Variants in C3orf70 observed in about 807,000 individuals in gnomAD.
C3orf70 encodes chromosome 3 open reading frame 70, also known as UPF0524 protein C3orf70.
In C3orf70, 15 loss-of-function variants were observed where a neutral mutation model predicts 20.7. The ratio of observed to expected loss-of-function variants is 0.72; its 90% CI spans 0.48 to 1.11. C3orf70 has a LOEUF of 1.11. C3orf70 is among the 50% of genes most tolerant of loss of function. C3orf70 has a pLI of 0.00. For synonymous variants in C3orf70, 161 were observed against 125.7 expected, an observed-to-expected ratio of 1.28 and a Z score of -1.88; for missense variants, 332 against 317.6, an observed-to-expected ratio of 1.05 and a Z score of -0.34.
rs751009927 is a variant in C3orf70, at chr3:185,152,782, C to G, written c.42G>C (p.Lys14Asn). The change falls in exon 1 of 2, where the codon AAG becomes AAC. Residue 14 changes from lysine (K) to asparagine (N), a missense_variant. By Grantham distance (94) the Lys-to-Asn change is moderately conservative. Coordinates refer to ENST00000335012, the MANE Select transcript of C3orf70 (RefSeq NM_001025266.3). ...AASPASERGW[K>N]SEKLDEAQAL... ...CCTGAGCCTCATCTAGTTTCTCGCT[C>G]TTCCAACCCCGCTCCGACGCCGGCG... is the stretch of plus-strand genomic sequence containing the variant. 1 of 1,572,024 alleles carries G rather than the reference C, an allele frequency of 6.4e-7. No individual in the cohort carries two copies. Among genetic ancestry groups the G allele is most frequent in the Non-Finnish European group, 8.6e-7 (1 of 1,158,668 alleles).
At chr3:185,094,586 C>A (rs1715662826) in intron 1 of C3orf70, among the ~76,000 whole-genome samples, 1 of 151,918 alleles carries the variant, frequency 6.6e-6, no homozygotes, top group Non-Finnish European at 1.5e-5. Flanking sequence ...AGCCCTTGAA[C>A]CTACAGACAC....
At position 185,081,106 on chromosome 3, in the gene C3orf70, G is replaced by C. The variant is rs952307895; in HGVS notation, c.*1901C>G. 4 of 152,172 alleles carry C rather than the reference G, an allele frequency of 2.6e-5. No homozygotes were observed. The highest frequency in any genetic ancestry group is 5.9e-5 in the Non-Finnish European group (4 of 68,026). The allele number at this position is 152,172 out of a possible 1,614,324, so 9.4% of individuals were successfully genotyped here. Reference sequence around the variant, plus strand: ...TGAATGATGCCAAATGGAGGCTTCAGGGGAGAACACAACTTTTTCTTACAA... The same window carrying C: ...TGAATGATGCCAAATGGAGGCTTCACGGGAGAACACAACTTTTTCTTACAA... On this transcript the variant is annotated 3_prime_UTR_variant, in exon 2 of 2. Coordinates refer to ENST00000335012, the MANE Select transcript of C3orf70 (RefSeq NM_001025266.3).
intron 1 of C3orf70, among the ~76,000 whole-genome samples, chr3:185,123,780 T>C (rs1373298839): frequency 2.6e-5 from 4 of 152,224 alleles, no homozygotes; most frequent in Non-Finnish European, 5.9e-5. Flanking sequence ...GCCTATGAAG[T>C]ATTCTGTCAT....
intron 1 of C3orf70, among the ~76,000 whole-genome samples, chr3:185,133,277 C>A (rs905095234): frequency 6.6e-6 from 1 of 152,158 alleles, no homozygotes; most frequent in East Asian, 1.9e-4. Flanking sequence ...TCTAATAAAA[C>A]TACAGATGTA....
At chr3:185,117,024 G>A (rs900690890) in intron 1 of C3orf70, among the ~76,000 whole-genome samples, 11 of 151,966 alleles carry the variant, frequency 7.2e-5, no homozygotes, top group South Asian at 2.1e-4. Context: ...CTCGTGATCC[G>A]CCCGCCTCAG....
intron 1 of C3orf70, among the ~76,000 whole-genome samples, chr3:185,102,113 G>C (rs1224288818): frequency 6.6e-6 from 1 of 152,140 alleles, no homozygotes; most frequent in East Asian, 1.9e-4. Flanking sequence ...CATACAGGAA[G>C]AGAGGAAATC....
intron 1 of C3orf70, among the ~76,000 whole-genome samples, chr3:185,150,791 G>C (rs35603608): frequency 0.07 from 10,591 of 152,230 alleles, 425 homozygotes; most frequent in South Asian, 0.1. Flanking sequence ...ATGTTCAGAA[G>C]AGAACAACCA....
chr3:185,089,970 G>C (rs1455963286), intron 1 of C3orf70, among the ~76,000 whole-genome samples: 8 of 152,120 alleles, frequency 5.3e-5, no homozygotes, highest in African/African-American at 1.7e-4. Flanking sequence ...CACTAACAAA[G>C]ATTTATATTC....
chr3:185,118,527 T>C (rs1716228865), intron 1 of C3orf70, among the ~76,000 whole-genome samples: 1 of 152,200 alleles, frequency 6.6e-6, no homozygotes, highest in Non-Finnish European at 1.5e-5. Flanking sequence ...AGTAAATGCC[T>C]GAACACATAT....
At chr3:185,148,385 A>C (rs1461433995) in intron 1 of C3orf70, among the ~76,000 whole-genome samples, 1 of 152,144 alleles carries the variant, frequency 6.6e-6, no homozygotes, top group Non-Finnish European at 1.5e-5. Context: ...ACCACCATCC[A>C]CAGCTGCATA....
chr3:185,104,213 C>A (rs1275297911), intron 1 of C3orf70, among the ~76,000 whole-genome samples: 1 of 152,206 alleles, frequency 6.6e-6, no homozygotes, highest in African/African-American at 2.4e-5. Context: ...CTCCTTAATT[C>A]TCTTGGTTGT....
intron 1 of C3orf70, among the ~76,000 whole-genome samples, chr3:185,128,663 T>G (rs561507635): frequency 6.6e-6 from 1 of 152,354 alleles, no homozygotes; most frequent in South Asian, 2.1e-4. Flanking sequence ...ATAACTTTGT[T>G]TTATGATAAT....
chr3:185,098,708 A>T (rs1715760033), intron 1 of C3orf70, among the ~76,000 whole-genome samples: 1 of 152,220 alleles, frequency 6.6e-6, no homozygotes, highest in African/African-American at 2.4e-5. Context: ...TGTGATGGTT[A>T]ATTTTATATG....
rs574963426 is a variant in C3orf70 at position 185,080,180 on chromosome 3, A to C, written c.*2827T>G. 20 of 152,758 alleles carry C rather than the reference A, an allele frequency of 1.3e-4. No individual in the cohort carries two copies. The highest frequency in any genetic ancestry group is 4.3e-4 in the African/African-American group (18 of 41,570). 9.5% of individuals were successfully genotyped at this position (152,758 alleles called of 1,614,324 possible). A position where few individuals can be genotyped will look rare whatever the true frequency, so the allele number is the denominator to read the frequency against. ...GTGTCTGATGCTTAGAATCCAATGGAATGTCTCTAATTCTATATAGTAGAT... is the reference window on the plus strand; with the variant it reads ...GTGTCTGATGCTTAGAATCCAATGGCATGTCTCTAATTCTATATAGTAGAT... On this transcript the variant is annotated 3_prime_UTR_variant, in exon 2 of 2. Transcript: ENST00000335012.
At chr3:185,133,123 C>T (rs184857397) in intron 1 of C3orf70, among the ~76,000 whole-genome samples, 32 of 152,246 alleles carry the variant, frequency 2.1e-4, no homozygotes, top group Non-Finnish European at 4.1e-4. Context: ...CACTGAGATA[C>T]CATTTCTCAC....
intron 1 of C3orf70, among the ~76,000 whole-genome samples, chr3:185,128,910 T>C (rs1243610034): frequency 6.6e-6 from 1 of 152,210 alleles, no homozygotes; most frequent in Admixed American, 6.5e-5. Flanking sequence ...AGCATGAATG[T>C]ATGGATTTAA....
intron 1 of C3orf70, among the ~76,000 whole-genome samples, chr3:185,108,585 C>T (rs962877179): frequency 7.2e-5 from 11 of 152,220 alleles, no homozygotes; most frequent in African/African-American, 1.7e-4. Flanking sequence ...AATGGCCAAT[C>T]GCCTAGTTGC....
At chr3:185,093,309 TA>T (rs1715633152) in intron 1 of C3orf70, among the ~76,000 whole-genome samples, 1 of 152,148 alleles carries the variant, frequency 6.6e-6, no homozygotes, top group South Asian at 2.1e-4. Flanking sequence ...AGACCAGCCT[TA>T]AAAATAACAT....
chr3:185,122,569 G>A (rs1416227280), intron 1 of C3orf70, among the ~76,000 whole-genome samples: 1 of 152,226 alleles, frequency 6.6e-6, no homozygotes, highest in Non-Finnish European at 1.5e-5. Context: ...TTAAGGAGAT[G>A]CATATGGGTG....
Sources: allele counts gnomAD v4.1 joint callset (sites outside exome capture counted in the v4.1 genomes callset), GRCh38; gene constraint gnomAD v4.1.1; transcripts MANE v1.5; gene names NCBI Gene and HGNC (gene_info 2026-07-23, HGNC 2026-07-21).